Variants in DNAH11 observed in about 807,000 individuals in gnomAD.
DNAH11 encodes dynein axonemal heavy chain 11.
In DNAH11, 442 loss-of-function variants were observed where a neutral mutation model predicts 526.0. That is an observed-to-expected ratio of 0.84 (90% confidence interval 0.78 to 0.91). The LOEUF (loss-of-function observed/expected upper bound fraction) is 0.91, where lower values mean the gene tolerates loss of function less well. DNAH11 is among the 40% of genes least tolerant of loss of function. The probability of loss-of-function intolerance (pLI) is 0.00; values close to 1 mark genes in which losing one functional copy is unlikely to be tolerated. For synonymous variants in DNAH11, 2,461 were observed against 1,935.9 expected (o/e 1.27, Z -7.12); for missense variants, 6,989 against 5,448.7 (o/e 1.28, Z -8.90).
At chr7:21,598,150 A>T (rs1435675773) in intron 14 of DNAH11, among the ~76,000 whole-genome samples, 1 of 152,210 alleles carries the variant, frequency 6.6e-6, no homozygotes, top group Non-Finnish European at 1.5e-5. Flanking sequence ...TAATCAAAGA[A>T]AACAGAGAGT....
At chr7:21,873,795 T>TTTTTTTTTTTTTTG (rs1783592191) in intron 74 of DNAH11, among the ~76,000 whole-genome samples, 1 of 130,408 alleles carries the variant, frequency 7.7e-6, no homozygotes. Context: ...TTTTTTTTTT[T>TTTTTTTTTTTTTTG]TTTTTTTTTT....
chr7:21,624,997 C>G (rs1360496943), intron 25 of DNAH11, among the ~76,000 whole-genome samples: 3 of 151,700 alleles, frequency 2.0e-5, no homozygotes, highest in Non-Finnish European at 4.4e-5. Context: ...TTCTAATTTT[C>G]TTTACTTGTG....
chr7:21,702,076 T>A (rs6950508), intron 36 of DNAH11, among the ~76,000 whole-genome samples: 4,032 of 152,230 alleles, frequency 0.026, 212 homozygotes, highest in East Asian at 0.21. Flanking sequence ...ATGTAATTGG[T>A]CCCAGGGAGC....
At chr7:21,673,131 G>A (rs898737304) in intron 30 of DNAH11, among the ~76,000 whole-genome samples, 3 of 151,974 alleles carry the variant, frequency 2.0e-5, no homozygotes, top group African/African-American at 7.3e-5. Context: ...TCATAAGTGG[G>A]GTATACTGAG....
chr7:21,771,313 G>T (rs1787424698), intron 55 of DNAH11, among the ~76,000 whole-genome samples: 1 of 152,072 alleles, frequency 6.6e-6, no homozygotes, highest in South Asian at 2.1e-4. Flanking sequence ...AACTGATTTA[G>T]TGCTGACCTC....
Position 21,900,129 on chromosome 7 carries a change from C to T in DNAH11, c.13303+9C>T, listed in dbSNP as rs750461108. ...CGGACTCTTCATGGAGGGTAAGACA[C>T]CCCAAGGGGTAAGTGGGGAACCTTT... On this transcript the variant is annotated intron_variant, in intron 81 of 81. Transcript: ENST00000409508. 1.1e-5 allele frequency: 17 copies of T among 1,603,324 alleles called. No individual in the cohort carries two copies. In the African/African-American group the frequency reaches 1.6e-4, roughly 15 times the overall value.
intron 2 of DNAH11, among the ~76,000 whole-genome samples, chr7:21,546,144 A>C (rs372744959): frequency 6.6e-6 from 1 of 152,202 alleles, no homozygotes; most frequent in Non-Finnish European, 1.5e-5. Flanking sequence ...AAATGCTGAC[A>C]TATTTATTGC....
At chr7:21,852,695 G>A in intron 67 of DNAH11, 64 bp downstream of exon 67, 2 of 1,487,428 alleles carry the variant, frequency 1.3e-6, no homozygotes, top group South Asian at 3.0e-5. Flanking sequence ...ATGTGGGGTG[G>A]GCAGTGTGAT....
At chr7:21,802,595 T>C (rs1789043014) in intron 62 of DNAH11, among the ~76,000 whole-genome samples, 1 of 152,142 alleles carries the variant, frequency 6.6e-6, no homozygotes, top group African/African-American at 2.4e-5. Context: ...AATGGATAAA[T>C]AAAATGTATA....
chr7:21,779,076 A>G lies in DNAH11; in HGVS notation c.9455A>G (p.Lys3152Arg). The change falls in exon 57 of 82, where the codon AAG becomes AGG. Residue 3152 changes from lysine (K) to arginine (R), a missense_variant. Transcript: ENST00000409508. ...CAGACGGAGAAAGTGAGCCGGGAAAAGACCATCGCTGATGCTGAGGAGCGA... is the reference window on the plus strand; with the variant it reads ...CAGACGGAGAAAGTGAGCCGGGAAAGGACCATCGCTGATGCTGAGGAGCGA... Reference protein sequence around the residue: ...GLQTEKVSREKTIADAEERKV... With the variant: ...GLQTEKVSRERTIADAEERKV... 6.2e-7 allele frequency: 1 copy of G among 1,613,122 alleles called. No individual in the cohort carries two copies. The highest frequency in any genetic ancestry group is 8.5e-7 in the Non-Finnish European group (1 of 1,179,324).
At chr7:21,868,037 C>T in intron 72 of DNAH11, 30 bp downstream of exon 72, 1 of 1,460,782 alleles carries the variant, frequency 6.8e-7, no homozygotes, top group Non-Finnish European at 9.1e-7. Context: ...GCTGGCCCGC[C>T]CCTTCTCCCT....
At chr7:21,711,630 CT>C in intron 41 of DNAH11, 81 bp from the exon 42 acceptor site, 1 of 1,535,040 alleles carries the variant, frequency 6.5e-7, no homozygotes, top group Middle Eastern at 1.9e-4. Context: ...TGTGATACTT[CT>C]GGTAGGGGAA....
intron 28 of DNAH11, among the ~76,000 whole-genome samples, chr7:21,643,287 A>G (rs1644642374): frequency 6.6e-6 from 1 of 152,206 alleles, no homozygotes; most frequent in Admixed American, 6.5e-5. Context: ...TCAGGTTGTT[A>G]TATACTACCT....
chr7:21,545,163 T>A lies in DNAH11; in HGVS notation c.495+14T>A. ...TTCCTTGATGAGGTACTGGTCTGTCTTTAATATTTAAAGCTTTCACTTATC... is the reference window on the plus strand; with the variant it reads ...TTCCTTGATGAGGTACTGGTCTGTCATTAATATTTAAAGCTTTCACTTATC... On this transcript the variant is annotated intron_variant, in intron 2 of 81. Coordinates refer to ENST00000409508, the MANE Select transcript of DNAH11 (RefSeq NM_001277115.2). 2.5e-6 allele frequency: 4 copies of A among 1,596,470 alleles called. No individual in the cohort carries two copies. Among genetic ancestry groups the A allele is most frequent in the Non-Finnish European group, 3.4e-6 (4 of 1,171,864 alleles).
At chr7:21,635,006 A>C (rs75907128) in intron 25 of DNAH11, among the ~76,000 whole-genome samples, 5,078 of 152,260 alleles carry the variant, frequency 0.033, 292 homozygotes, top group African/African-American at 0.11. Context: ...CATTCTTTTC[A>C]AAATAAAACT....
chr7:21,692,248 A>G (rs1254739283), intron 35 of DNAH11, among the ~76,000 whole-genome samples: 1 of 152,248 alleles, frequency 6.6e-6, no homozygotes, highest in African/African-American at 2.4e-5. Context: ...GTATAATTTA[A>G]TACAATCAAG....
chr7:21,628,851 C>A (rs936877452), intron 25 of DNAH11, among the ~76,000 whole-genome samples: 1 of 152,048 alleles, frequency 6.6e-6, no homozygotes, highest in Non-Finnish European at 1.5e-5. Flanking sequence ...TTCACAAAAC[C>A]ACCTTTTGTG....
At chr7:21,752,412 T>G (rs1355360517) in intron 54 of DNAH11, among the ~76,000 whole-genome samples, 1 of 152,222 alleles carries the variant, frequency 6.6e-6, no homozygotes, top group Non-Finnish European at 1.5e-5. Flanking sequence ...GAGCAACAAC[T>G]AAGGCTGAGT....
At position 21,864,624 on chromosome 7, in the gene DNAH11, C is replaced by G; in HGVS notation, c.11463C>G (p.Asp3821Glu). The G allele has an allele frequency of 1.2e-6, 2 of 1,608,150 alleles. No homozygotes were observed. Among genetic ancestry groups the G allele is most frequent in the Non-Finnish European group, 1.7e-6 (2 of 1,177,148 alleles). The part of the protein sequence containing the change: ...TVEHTHLSPV[D>E]FLTSQSWSAI... Reference sequence around the variant, plus strand: ...AACACACTCATCTGAGTCCCGTTGACTTCCTAACTTCTCAGTCATGGAGTG... The same window carrying G: ...AACACACTCATCTGAGTCCCGTTGAGTTCCTAACTTCTCAGTCATGGAGTG... Residue 3821 changes from aspartate (D) to glutamate (E), a missense_variant, in exon 70 of 82, where the codon GAC (aspartate) becomes GAG (glutamate). By Grantham distance (45) the Asp-to-Glu change is conservative. Coordinates refer to ENST00000409508, the MANE Select transcript of DNAH11 (RefSeq NM_001277115.2).
Sources: allele counts gnomAD v4.1 joint callset (sites outside exome capture counted in the v4.1 genomes callset), GRCh38; gene constraint gnomAD v4.1.1; transcripts MANE v1.5; gene names NCBI Gene and HGNC (gene_info 2026-07-23, HGNC 2026-07-21).